Variants in FADS2 observed in about 807,000 individuals in gnomAD.
The protein encoded by FADS2 is acyl-CoA 6-desaturase.
In FADS2, 18 loss-of-function variants were observed where a neutral mutation model predicts 61.2. That is an observed-to-expected ratio of 0.29 (90% CI 0.20 to 0.44). FADS2 has a LOEUF of 0.44. Ranked by LOEUF, FADS2 falls within the 20% of genes least tolerant of loss-of-function variation. The pLI, the probability that FADS2 is intolerant of heterozygous loss-of-function variation, is 1.00. For synonymous variants in FADS2, 203 were observed against 223.9 expected (o/e 0.91, Z 0.83); for missense variants, 322 against 572.7 (o/e 0.56, Z 4.47).
chr11:61,863,176 C>T (rs572775228), intron 8 of FADS2, 106 bp from the exon 9 acceptor site: 1 of 1,436,858 alleles, frequency 7.0e-7, no homozygotes, highest in African/African-American at 1.4e-5. Flanking sequence ...GACCTCCCAT[C>T]CTGGCCCCTT....
intron 4 of FADS2, among the ~76,000 whole-genome samples, chr11:61,841,436 C>T (rs2067215809): frequency 6.6e-6 from 1 of 151,284 alleles, no homozygotes; most frequent in Admixed American, 6.6e-5. Context: ...TGGTGGCATG[C>T]ACCTGTAATC....
At chr11:61,834,993 CA>C (rs2067159989) in intron 1 of FADS2, among the ~76,000 whole-genome samples, 2 of 146,960 alleles carry the variant, frequency 1.4e-5, no homozygotes, top group Admixed American at 6.8e-5. Context: ...CCCCCCACCC[CA>C]GCCCTCCTCC....
intron 1 of FADS2, among the ~76,000 whole-genome samples, chr11:61,833,780 G>A (rs1434557361): frequency 2.0e-5 from 3 of 152,244 alleles, no homozygotes; most frequent in Admixed American, 6.5e-5. Context: ...AAGCCAAGTT[G>A]TGTGAAACGC....
At chr11:61,853,294 T>TCCTCCCTTCCTC (rs1565334588) in intron 5 of FADS2, among the ~76,000 whole-genome samples, 2 of 71,942 alleles carry the variant, frequency 2.8e-5, no homozygotes, top group African/African-American at 5.9e-5. Context: ...CTCCCTCCCT[T>TCCTCCCTTCCTC]CCTTCCTTCC....
intron 1 of FADS2, among the ~76,000 whole-genome samples, chr11:61,837,532 A>G (rs1272241389): frequency 6.6e-6 from 1 of 152,048 alleles, no homozygotes; most frequent in Non-Finnish European, 1.5e-5. Flanking sequence ...CTATTCACAA[A>G]CCCCTGGGGA....
At position 61,865,619 on chromosome 11, in the gene FADS2, T is replaced by A; in HGVS notation, c.1284-19T>A. On this transcript the variant is annotated intron_variant, in intron 11 of 11. Transcript: ENST00000278840. The surrounding 1 kb of genome is among the most constrained non-coding windows in gnomAD (Gnocchi z 4.1). ...CTCCCGTCCTGGTCCCTGACCCTGGTCCATCCCCAACTTTGCAGGTCCCTG... is the reference window on the plus strand; with the variant it reads ...CTCCCGTCCTGGTCCCTGACCCTGGACCATCCCCAACTTTGCAGGTCCCTG... 3 of 1,612,106 alleles carry A rather than the reference T, an allele frequency of 1.9e-6. No individual in the cohort carries two copies. The highest frequency in any genetic ancestry group is 2.5e-6 in the Non-Finnish European group (3 of 1,178,878).
chr11:61,837,980 A>G (rs1394082533), intron 2 of FADS2, 92 bp downstream of exon 2: 9 of 871,314 alleles, frequency 1.0e-5, no homozygotes, highest in African/African-American at 5.0e-5. Flanking sequence ...ATGACCAGTA[A>G]CTGGGGCTGA....
At chr11:61,822,280 T>C (rs2067041600) in intron 1 of FADS2, among the ~76,000 whole-genome samples, 1 of 152,196 alleles carries the variant, frequency 6.6e-6, no homozygotes. Context: ...AGTCTTCTTA[T>C]CATTGTATAG....
intron 1 of FADS2, among the ~76,000 whole-genome samples, chr11:61,834,589 C>T (rs551897699): frequency 3.9e-5 from 6 of 152,290 alleles, no homozygotes; most frequent in African/African-American, 1.4e-4. Flanking sequence ...GTTGGAACCT[C>T]GACTGCAGGG....
intron 1 of FADS2, among the ~76,000 whole-genome samples, chr11:61,830,067 C>G (rs905312692): frequency 1.3e-5 from 2 of 152,228 alleles, no homozygotes; most frequent in Non-Finnish European, 1.5e-5. Context: ...GGGTATGTTT[C>G]ACATACCTTC....
At chr11:61,833,121 AG>A (rs1202108933) in intron 1 of FADS2, among the ~76,000 whole-genome samples, 1 of 152,176 alleles carries the variant, frequency 6.6e-6, no homozygotes, top group African/African-American at 2.4e-5. Context: ...CTTCAGAATC[AG>A]GGTGTTCTGA....
At chr11:61,825,751 G>A (rs2067079567), upstream of FADS2, among the ~76,000 whole-genome samples, 1 of 151,832 alleles carries the variant, frequency 6.6e-6, no homozygotes, top group Admixed American at 6.6e-5. Context: ...AAATTAGCCG[G>A]GTGTGGTGGC....
chr11:61,857,562 G>A lies in FADS2; in HGVS notation c.882+32G>A, dbSNP rs947626150. On this transcript the variant is annotated intron_variant, in intron 7 of 11. Coordinates refer to ENST00000278840, the MANE Select transcript of FADS2 (RefSeq NM_004265.4). The stretch of plus-strand genomic sequence containing the variant: ...TGGGGACACAGCTGGCTTGGCATGG[G>A]GAGGAGGGTGACTGGGACAGGGGGA... 3 of 1,584,084 alleles carry A rather than the reference G, an allele frequency of 1.9e-6. No individual in the cohort carries two copies. In the African/African-American group the frequency reaches 4.0e-5, roughly 21 times the overall value.
chr11:61,857,006 C>T lies in FADS2; in HGVS notation c.745-5C>T. The T allele has an allele frequency of 1.2e-6, 2 of 1,613,418 alleles. No individual in the cohort carries two copies. Among genetic ancestry groups the T allele is most frequent in the Non-Finnish European group, 1.7e-6 (2 of 1,179,430 alleles). ...GGGTGCTCATGATCTCTCCTCTCTC[C>T]TCAGTACGGCAAGAAGAAGCTGAAA... On this transcript the variant is annotated splice_polypyrimidine_tract_variant and splice_region_variant and intron_variant, in intron 5 of 11. Transcript: ENST00000278840.
chr11:61,824,489 AGAAAGAAAGAAAG>A (rs1193020933), upstream of FADS2, among the ~76,000 whole-genome samples: 24 of 7,766 alleles, frequency 3.1e-3, no homozygotes, highest in Admixed American at 4.8e-3. Context: ...AGAGAGAGAG[AGAAAGAAAGAAAG>A]GAAAGAAAGA....
upstream of FADS2, among the ~76,000 whole-genome samples, chr11:61,824,386 G>GAA (rs1213150632): frequency 6.2e-3 from 721 of 115,402 alleles, 7 homozygotes; most frequent in Middle Eastern, 0.013. Flanking sequence ...CATCTTGGGG[G>GAA]AAAAAAAAAG....
At position 61,863,736 on chromosome 11, in the gene FADS2, C is replaced by T; in HGVS notation, c.1107C>T (p.Ser369=). Residue 369 remains serine, a synonymous_variant, in exon 10 of 12, where the codon TCC becomes TCT. Transcript: ENST00000278840. ...QLTATCNVEQ[S]FFNDWFSGHL... ...CAGCCACCTGCAACGTGGAGCAGTC[C>T]TTCTTCAACGACTGGTTCAGTGGAC... 6.2e-7 allele frequency: 1 copy of T among 1,614,146 alleles called. No homozygotes were observed. Among genetic ancestry groups the T allele is most frequent in the Non-Finnish European group, 8.5e-7 (1 of 1,179,948 alleles).
chr11:61,823,686 T>G (rs1237669715), upstream of FADS2, among the ~76,000 whole-genome samples: 1 of 152,032 alleles, frequency 6.6e-6, no homozygotes, highest in African/African-American at 2.4e-5. Context: ...CCAACTAATT[T>G]TTTATATTTT....
rs924211198 is a variant in FADS2, at chr11:61,828,324, C to G, written c.-67C>G. On this transcript the variant is annotated 5_prime_UTR_variant, in exon 1 of 12. Coordinates refer to ENST00000278840, the MANE Select transcript of FADS2 (RefSeq NM_004265.4). This position sits in a 1 kb window ranked among gnomAD's most constrained non-coding sequence, Gnocchi z 6.4. ...CTGCACACACCGGCTGGGAGGCAGC[C>G]GTCTGTGCAGCGAGCAGCCGGCGCG... The G allele has an allele frequency of 6.5e-7, 1 of 1,529,278 alleles. No homozygotes were observed. Among genetic ancestry groups the G allele is most frequent in the Admixed American group, 2.0e-5 (1 of 49,988 alleles). The allele number at this position is 1,529,278 out of a possible 1,614,324, so 94.7% of individuals were successfully genotyped here. A position where few individuals can be genotyped will look rare whatever the true frequency, so the allele number is the denominator to read the frequency against.
Sources: allele counts gnomAD v4.1 joint callset (sites outside exome capture counted in the v4.1 genomes callset), GRCh38; gene constraint gnomAD v4.1.1; non-coding constraint Gnocchi (gnomAD v3.1); transcripts MANE v1.5; gene names NCBI Gene and HGNC (gene_info 2026-07-23, HGNC 2026-07-21).